DNAH6: variants seen among roughly 807,000 people sequenced by gnomAD.
The protein encoded by DNAH6 is axonemal beta dynein heavy chain 6.
DNAH6 carries 340 observed loss-of-function variants against 491.4 expected under a neutral mutation model. That is an observed-to-expected ratio of 0.69 (90% confidence interval 0.63 to 0.76). The LOEUF (loss-of-function observed/expected upper bound fraction) is 0.76. Ranked by LOEUF, DNAH6 falls within the 30% of genes least tolerant of loss-of-function variation. DNAH6 has a pLI of 0.00. For missense variants in DNAH6, 4,443 were observed against 4,972.2 expected, an observed-to-expected ratio of 0.89 and a Z score of 3.20; for synonymous variants, 1,603 against 1,686.1, an observed-to-expected ratio of 0.95 and a Z score of 1.21.
intron 59 of DNAH6, among the ~76,000 whole-genome samples, chr2:84,719,087 C>A (rs529257679): frequency 2.0e-5 from 3 of 152,132 alleles, no homozygotes; most frequent in Non-Finnish European, 4.4e-5. Context: ...GAAAAAAAAT[C>A]CCCTTGACTT....
At chr2:84,606,835 T>C in intron 20 of DNAH6, 141 bp from the exon 21 acceptor site, 2 of 781,750 alleles carry the variant, frequency 2.6e-6, no homozygotes, top group East Asian at 5.6e-5. Context: ...GGGAAATTGA[T>C]GAGTAGGAAA....
In DNAH6 at chr2:84,713,259, G is replaced by A. The variant is rs1204048081; in HGVS notation, c.9543G>A (p.Glu3181=). 1.3e-6 allele frequency: 2 copies of A among 1,551,332 alleles called. No homozygotes were observed. The highest frequency in any genetic ancestry group is 2.0e-5 in the Admixed American group (1 of 50,838). Residue 3181 remains glutamate, a splice_region_variant and synonymous_variant, in exon 57 of 77, where the codon GAG becomes GAA. Transcript: ENST00000389394. ...TGCCAAATCCCCACTATCTGCCTGAGGTATGAACTACTGGTCTGGAATTCT... is the reference window on the plus strand; with the variant it reads ...TGCCAAATCCCCACTATCTGCCTGAAGTATGAACTACTGGTCTGGAATTCT... The part of the protein sequence containing the change: ...TKMPNPHYLP[E]VCIKVTIINF...
At chr2:84,813,218 G>A in intron 74 of DNAH6, 88 bp downstream of exon 74, 3 of 937,704 alleles carry the variant, frequency 3.2e-6, no homozygotes, top group Admixed American at 2.0e-5. Flanking sequence ...TGACATGGCT[G>A]CTAATGCTCT....
Position 84,653,656 on chromosome 2 carries a change from A to G in DNAH6, c.5416A>G (p.Asn1806Asp). Residue 1806 changes from asparagine to aspartate, a missense_variant, in exon 34 of 77, where the codon AAT becomes GAT. Around this residue, in one of 3 missense-constraint regions of DNAH6, gnomAD observed 2,977 missense variants for 3,296.6 expected, o/e 0.90. Transcript: ENST00000389394. ...CATGGGTGAATTATATGGAGAGGTT[A>G]ATAACTTAACCTTGGAATGGAAAGA... ...ITMGELYGEVNNLTLEWKDGL... is the reference protein window; with the variant it reads ...ITMGELYGEVDNLTLEWKDGL... 6.4e-7 allele frequency: 1 copy of G among 1,551,286 alleles called. No homozygotes were observed.
At chr2:84,580,544 A>G (rs1422794909) in intron 14 of DNAH6, among the ~76,000 whole-genome samples, 3 of 152,214 alleles carry the variant, frequency 2.0e-5, no homozygotes, top group African/African-American at 7.2e-5. Context: ...TTCAATTAAA[A>G]AAGTAAACTG....
At chr2:84,774,092 G>A (rs528222430) in intron 64 of DNAH6, among the ~76,000 whole-genome samples, 2 of 151,862 alleles carry the variant, frequency 1.3e-5, no homozygotes, top group South Asian at 2.1e-4. Context: ...TCAATTTTTG[G>A]TTTTGTTGCA....
intron 21 of DNAH6, among the ~76,000 whole-genome samples, chr2:84,608,627 G>A (rs1259759424): frequency 6.6e-6 from 1 of 152,144 alleles, no homozygotes; most frequent in Non-Finnish European, 1.5e-5. Flanking sequence ...AAATCATGCT[G>A]TAAACAGATG....
intron 63 of DNAH6, among the ~76,000 whole-genome samples, chr2:84,749,795 T>C (rs1028448683): frequency 1.3e-5 from 2 of 152,174 alleles, no homozygotes; most frequent in African/African-American, 2.4e-5. Context: ...AAAAAGGAAT[T>C]TTCCAAATAA....
At chr2:84,557,156 C>T (rs1475007024) in intron 10 of DNAH6, among the ~76,000 whole-genome samples, 1 of 152,230 alleles carries the variant, frequency 6.6e-6, no homozygotes, top group East Asian at 1.9e-4. Flanking sequence ...TCCATTATGA[C>T]TTGCTAGTGT....
intron 62 of DNAH6, among the ~76,000 whole-genome samples, chr2:84,741,320 A>T (rs1224135854): frequency 6.6e-6 from 1 of 152,160 alleles, no homozygotes; most frequent in Non-Finnish European, 1.5e-5. Flanking sequence ...GGCAGGCAGC[A>T]TGATCAAGAA....
intron 64 of DNAH6, among the ~76,000 whole-genome samples, chr2:84,763,349 T>C (rs1194040524): frequency 6.6e-6 from 1 of 152,172 alleles, no homozygotes; most frequent in Admixed American, 6.6e-5. Context: ...TTCTGGGTAA[T>C]AGGGACAAGG....
At chr2:84,655,901 G>T (rs750827243) in intron 35 of DNAH6, among the ~76,000 whole-genome samples, 1 of 152,082 alleles carries the variant, frequency 6.6e-6, no homozygotes, top group Admixed American at 6.6e-5. Context: ...CACCATTATA[G>T]TATCAGGCAG....
At position 84,701,347 on chromosome 2, in the gene DNAH6, C is replaced by G; in HGVS notation, c.8061+8C>G. On this transcript the variant is annotated splice_region_variant and intron_variant, in intron 49 of 76. Transcript: ENST00000389394. Reference sequence around the variant, plus strand: ...AGGAAGCAGATTATTTCAGTAGGTTCAATATTATCCATGAAAATATTGTTT... The same window carrying G: ...AGGAAGCAGATTATTTCAGTAGGTTGAATATTATCCATGAAAATATTGTTT... The G allele has an allele frequency of 2.0e-6, 3 of 1,537,580 alleles. 1 individual carries two copies. The South Asian group carries it at 3.6e-5, about 19-fold the overall frequency.
the DNAH6 span, among the ~76,000 whole-genome samples, chr2:84,471,801 A>G: frequency 6.6e-6 from 1 of 152,242 alleles, no homozygotes; most frequent in Non-Finnish European, 1.5e-5. Flanking sequence ...GCTGTAGCCA[A>G]GAGGCCACTG....
At chr2:84,646,410 T>G (rs561422760) in intron 33 of DNAH6, among the ~76,000 whole-genome samples, 1 of 152,264 alleles carries the variant, frequency 6.6e-6, no homozygotes, top group South Asian at 2.1e-4. Flanking sequence ...GTCACACACC[T>G]CTCACCTTAA....
intron 29 of DNAH6, among the ~76,000 whole-genome samples, chr2:84,625,404 G>T (rs1479269197): frequency 6.6e-6 from 1 of 152,158 alleles, no homozygotes; most frequent in East Asian, 1.9e-4. Context: ...TAGGAAATTG[G>T]CAATTTAGAG....
chr2:84,664,601 G>A (rs895031710), intron 37 of DNAH6, among the ~76,000 whole-genome samples: 1 of 152,116 alleles, frequency 6.6e-6, no homozygotes, highest in Admixed American at 6.6e-5. Flanking sequence ...CATAAAGCAA[G>A]TCCTTAGAGA....
intron 35 of DNAH6, among the ~76,000 whole-genome samples, chr2:84,657,304 T>G (rs1031695110): frequency 6.6e-6 from 1 of 152,044 alleles, no homozygotes; most frequent in Admixed American, 6.6e-5. Flanking sequence ...TGTTGGTTAT[T>G]CTGGGTTTTT....
At chr2:84,678,616 GAAGC>G (rs997508355) in intron 41 of DNAH6, among the ~76,000 whole-genome samples, 1 of 152,088 alleles carries the variant, frequency 6.6e-6, no homozygotes, top group Non-Finnish European at 1.5e-5. Context: ...AGAATACAGT[GAAGC>G]CTGGGCCACT....
Sources: gnomAD v4.1 joint callset for allele counts (sites outside exome capture counted in the v4.1 genomes callset) on GRCh38, gnomAD v4.1.1 for gene constraint, gnomAD v4.1.1 regional missense constraint, MANE v1.5 for transcripts, NCBI Gene and HGNC (gene_info 2026-07-23, HGNC 2026-07-21) for gene names.